The following LRRC3B variants were observed in gnomAD, a reference collection of about 807,000 sequenced individuals.
LRRC3B encodes the protein leucine-rich repeat-containing protein 3B.
A neutral mutation model predicts 12.8 loss-of-function variants in LRRC3B; 2 were observed. The observed-to-expected ratio is 0.16, with a 90% CI of 0.06 to 0.49. LRRC3B has a LOEUF of 0.49. LRRC3B is among the 20% of genes least tolerant of loss of function. LRRC3B has a pLI of 0.96. For missense variants in LRRC3B, 189 were observed against 319.4 expected (o/e 0.59, Z 3.11); for synonymous variants, 132 against 122.0 (o/e 1.08, Z -0.54).
intron 1 of LRRC3B, among the ~76,000 whole-genome samples, chr3:26,672,839 T>G (rs1699775933): frequency 1.3e-5 from 2 of 152,184 alleles, no homozygotes; most frequent in African/African-American, 4.8e-5. Flanking sequence ...CAGAAACAAC[T>G]CCATAGTACG....
At chr3:26,659,547 G>A (rs1244234011) in intron 1 of LRRC3B, among the ~76,000 whole-genome samples, 4 of 152,064 alleles carry the variant, frequency 2.6e-5, no homozygotes, top group Non-Finnish European at 2.9e-5. Flanking sequence ...ATAAATAGTG[G>A]CATTTGATTA....
intron 1 of LRRC3B, among the ~76,000 whole-genome samples, chr3:26,662,930 G>C (rs745950532): frequency 4.6e-5 from 7 of 152,142 alleles, no homozygotes; most frequent in Non-Finnish European, 1.0e-4. Flanking sequence ...TGAGGAAGGA[G>C]GGATATGAGG....
chr3:26,668,078 T>A (rs1328967777), intron 1 of LRRC3B, among the ~76,000 whole-genome samples: 2 of 152,106 alleles, frequency 1.3e-5, no homozygotes, highest in Non-Finnish European at 2.9e-5. Flanking sequence ...ATTTCTGGGT[T>A]GCAGTTAGAT....
intron 1 of LRRC3B, among the ~76,000 whole-genome samples, chr3:26,660,963 C>T (rs929357351): frequency 2.6e-5 from 4 of 152,046 alleles, no homozygotes; most frequent in African/African-American, 9.7e-5. Flanking sequence ...ACAAATTATC[C>T]ATGTAAGAGT....
chr3:26,658,451 G>C (rs1907167), intron 1 of LRRC3B, among the ~76,000 whole-genome samples: 61,090 of 152,096 alleles, frequency 0.4, 12,980 homozygotes, highest in Middle Eastern at 0.49. Flanking sequence ...CAGTAATTAC[G>C]TGGGAACTTC....
Position 26,637,878 on chromosome 3 carries a change from C to T in LRRC3B, c.-161+14641C>T, listed in dbSNP as rs182458556. On this transcript the variant is annotated intron_variant, in intron 1 of 1. Coordinates refer to ENST00000396641, the Ensembl canonical transcript of LRRC3B. ...AATCTTAAAATTACTTTGAATAACACATTTCAACATTTTGTTTAACCATCA... is the reference window on the plus strand; with the variant it reads ...AATCTTAAAATTACTTTGAATAACATATTTCAACATTTTGTTTAACCATCA... Among the ~76,000 whole-genome samples the T allele has an allele frequency of 1.1e-3, 169 of 152,312 alleles. 1 individual carries two copies. Among genetic ancestry groups the T allele is most frequent in the African/African-American group, 3.9e-3 (163 of 41,542 alleles).
At position 26,654,768 on chromosome 3, in the gene LRRC3B, C is replaced by T. The variant is rs528128361; in HGVS notation, c.-161+31531C>T. Among the ~76,000 whole-genome samples, 99 of 152,196 alleles carry T rather than the reference C, an allele frequency of 6.5e-4. 1 individual carries two copies. Among genetic ancestry groups the T allele is most frequent in the African/African-American group, 2.3e-3 (96 of 41,562 alleles). ...GCTGATGCAATCTTATATGCCATTT[C>T]ATAGGCAAAAATAATCACTGGAGAA... is the stretch of plus-strand genomic sequence containing the variant. On this transcript the variant is annotated intron_variant, in intron 1 of 1. Transcript: ENST00000396641.
intron 1 of LRRC3B, among the ~76,000 whole-genome samples, chr3:26,656,361 A>AG (rs1699372792): frequency 6.6e-6 from 1 of 152,214 alleles, no homozygotes; most frequent in South Asian, 2.1e-4. Flanking sequence ...GTAAAGTGGG[A>AG]GGGGAAGGTA....
chr3:26,692,715 CTTAT>C (rs1395579372), intron 1 of LRRC3B, among the ~76,000 whole-genome samples: 1 of 152,164 alleles, frequency 6.6e-6, no homozygotes, highest in African/African-American at 2.4e-5. Flanking sequence ...AATATATTAA[CTTAT>C]TTAATTGGTA....
intron 1 of LRRC3B, among the ~76,000 whole-genome samples, chr3:26,667,682 T>A: frequency 6.6e-6 from 1 of 152,162 alleles, no homozygotes; most frequent in East Asian, 1.9e-4. Flanking sequence ...AAATATCATA[T>A]AATATTTTCT....
At chr3:26,694,039 T>C (rs1326358637) in intron 1 of LRRC3B, among the ~76,000 whole-genome samples, 4 of 152,206 alleles carry the variant, frequency 2.6e-5, no homozygotes, top group African/African-American at 9.6e-5. Context: ...TGGTGGTGGG[T>C]GTTTCTCTAT....
chr3:26,664,717 T>A (rs1369555425), intron 1 of LRRC3B, among the ~76,000 whole-genome samples: 5 of 151,842 alleles, frequency 3.3e-5, no homozygotes, highest in South Asian at 4.2e-4. Flanking sequence ...TGTGGTGGAG[T>A]TCTAGGAGAC....
intron 1 of LRRC3B, among the ~76,000 whole-genome samples, chr3:26,631,445 A>T (rs1698754833): frequency 6.6e-6 from 1 of 152,164 alleles, no homozygotes; most frequent in South Asian, 2.1e-4. Flanking sequence ...AGGCAGGTAG[A>T]TGGAGAACCA....
chr3:26,649,471 T>C (rs1699220396), intron 1 of LRRC3B, among the ~76,000 whole-genome samples: 1 of 48,772 alleles, frequency 2.1e-5, no homozygotes, highest in Non-Finnish European at 5.2e-5. Flanking sequence ...TGTGTGACTC[T>C]TTTTCCCCAG....
intron 1 of LRRC3B, among the ~76,000 whole-genome samples, chr3:26,635,491 CCTCT>C: frequency 6.6e-6 from 1 of 150,634 alleles, no homozygotes; most frequent in Non-Finnish European, 1.5e-5. Context: ...AAGCATGCTT[CCTCT>C]CTCTCTCTCT....
chr3:26,690,905 T>C (rs1216595256), intron 1 of LRRC3B, among the ~76,000 whole-genome samples: 1 of 151,828 alleles, frequency 6.6e-6, no homozygotes, highest in Non-Finnish European at 1.5e-5. Flanking sequence ...TACATTGCCA[T>C]TGATACTATT....
intron 1 of LRRC3B, among the ~76,000 whole-genome samples, chr3:26,651,120 TG>T (rs1360217071): frequency 6.6e-6 from 1 of 152,238 alleles, no homozygotes; most frequent in Non-Finnish European, 1.5e-5. Context: ...TTCCATTCCA[TG>T]ATGATCACTG....
At chr3:26,650,743 A>G (rs527981269) in intron 1 of LRRC3B, among the ~76,000 whole-genome samples, 56 of 152,328 alleles carry the variant, frequency 3.7e-4, no homozygotes, top group African/African-American at 1.3e-3. Flanking sequence ...ATTATTAGTT[A>G]GTAAACACTG....
At chr3:26,698,387 A>AG (rs1678109477) in intron 1 of LRRC3B, among the ~76,000 whole-genome samples, 1 of 152,166 alleles carries the variant, frequency 6.6e-6, no homozygotes, top group Non-Finnish European at 1.5e-5. Flanking sequence ...CACATGTCTC[A>AG]TAGGGCAGTG....
Sources: allele counts gnomAD v4.1 joint callset (sites outside exome capture counted in the v4.1 genomes callset), GRCh38; gene constraint gnomAD v4.1.1; transcripts MANE v1.5; gene names NCBI Gene and HGNC (gene_info 2026-07-23, HGNC 2026-07-21).